Variants in SORCS2 observed in about 807,000 individuals in gnomAD.
SORCS2 encodes the protein sortilin related VPS10 domain containing receptor 2.
Under a neutral mutation model 141.6 loss-of-function variants are expected in SORCS2, and 100 were observed. The ratio of observed to expected loss-of-function variants is 0.71; its 90% CI spans 0.60 to 0.83. SORCS2 has a LOEUF of 0.83. SORCS2 is among the 40% of genes least tolerant of loss of function. The probability of loss-of-function intolerance (pLI) is 0.00; values close to 1 mark genes in which losing one functional copy is unlikely to be tolerated. For synonymous variants in SORCS2, 789 were observed against 676.9 expected (o/e 1.17, Z -2.57); for missense variants, 1,646 against 1,560.2 (o/e 1.05, Z -0.93).
Position 7,672,803 on chromosome 4 carries a change from A to G in SORCS2, c.1162-3247A>G, listed in dbSNP as rs76095845. 3.7e-3 allele frequency among the ~76,000 whole-genome samples: 565 copies of G among 152,322 alleles called. 3 individuals are homozygous for G. The highest frequency in any genetic ancestry group is 0.013 in the African/African-American group (544 of 41,582). ...ACTGCATTGCCCAGCTTTCTTTGCA[A>G]CTACATGTGGTCATGCTTGTAAAAT... is the stretch of plus-strand genomic sequence containing the variant. On this transcript the variant is annotated intron_variant, in intron 8 of 26. Transcript: ENST00000507866.
chr4:7,675,940 A>T, intron 8 of SORCS2, 110 bp from the exon 9 acceptor site: 1 of 1,269,630 alleles, frequency 7.9e-7, no homozygotes, highest in Non-Finnish European at 1.1e-6. Flanking sequence ...GGCTGGCTCC[A>T]GGAGAGCCAG....
chr4:7,479,033 A>T (rs1328820988), intron 2 of SORCS2, among the ~76,000 whole-genome samples: 1 of 152,204 alleles, frequency 6.6e-6, no homozygotes, highest in Non-Finnish European at 1.5e-5. Flanking sequence ...CTCTAGAAGG[A>T]TTCACAGAAG....
chr4:7,355,090 G>A (rs1356485015), intron 1 of SORCS2, among the ~76,000 whole-genome samples: 1 of 152,128 alleles, frequency 6.6e-6, no homozygotes, highest in Non-Finnish European at 1.5e-5. Flanking sequence ...CTAATGATGT[G>A]TTGTTCATTT....
intron 3 of SORCS2, among the ~76,000 whole-genome samples, chr4:7,604,633 A>G (rs1257075752): frequency 6.6e-6 from 1 of 152,180 alleles, no homozygotes; most frequent in African/African-American, 2.4e-5. Flanking sequence ...AGTTGTTCCT[A>G]TGCCCACATT....
rs57243728 is a variant in SORCS2 at position 7,531,415 on chromosome 4, G to A, written c.549-115G>A. 0.011 allele frequency: 9,838 copies of A among 887,016 alleles called. 542 individuals are homozygous for A. In the African/African-American group the frequency reaches 0.13, roughly 12 times the overall value. 54.9% of individuals were successfully genotyped at this position (887,016 alleles called of 1,614,324 possible). On this transcript the variant is annotated intron_variant, in intron 2 of 26. Coordinates refer to ENST00000507866, the MANE Select transcript of SORCS2 (RefSeq NM_020777.3). ...GCAGAGTGCCCAGGACTGTACTCAGGGTGTCTGGGGCACTCGGCCCGCACG... is the reference window on the plus strand; with the variant it reads ...GCAGAGTGCCCAGGACTGTACTCAGAGTGTCTGGGGCACTCGGCCCGCACG...
chr4:7,593,848 C>T (rs1293928094), intron 3 of SORCS2, among the ~76,000 whole-genome samples: 2 of 152,210 alleles, frequency 1.3e-5, no homozygotes, highest in Non-Finnish European at 2.9e-5. Context: ...TCCGGCGATA[C>T]CTCTGCCCCT....
At chr4:7,320,476 G>A (rs1264482068) in intron 1 of SORCS2, among the ~76,000 whole-genome samples, 2 of 152,242 alleles carry the variant, frequency 1.3e-5, no homozygotes, top group Non-Finnish European at 2.9e-5. Context: ...ATTACCTGCT[G>A]GGAAGATTCA....
Position 7,232,927 on chromosome 4 carries a change from C to T in SORCS2, c.480+39801C>T, listed in dbSNP as rs147696854. ...CCCCACCCTTGGGGAGTGTTTGGTC[C>T]CATAGAGACACTGCTGCACTGTCAG... is the stretch of plus-strand genomic sequence containing the variant. On this transcript the variant is annotated intron_variant, in intron 1 of 26. Transcript: ENST00000507866. Among the ~76,000 whole-genome samples the T allele has an allele frequency of 3.4e-3, 517 of 152,222 alleles. 8 individuals carry two copies. Among genetic ancestry groups the T allele is most frequent in the African/African-American group, 0.012 (489 of 41,522 alleles).
chr4:7,246,419 A>AC (rs1462599143), intron 1 of SORCS2, among the ~76,000 whole-genome samples: 2 of 151,202 alleles, frequency 1.3e-5, no homozygotes, highest in African/African-American at 4.9e-5. Context: ...GAACCCACAC[A>AC]TCTCACTCGG....
rs143323017 is a variant in SORCS2 at position 7,384,510 on chromosome 4, G to A, written c.481-11778G>A. ...GGAGACGGGGTTAAGGTGCGTACACGGGGCCCTGCAAATGTCTCTGCCTCA... is the reference window on the plus strand; with the variant it reads ...GGAGACGGGGTTAAGGTGCGTACACAGGGCCCTGCAAATGTCTCTGCCTCA... On this transcript the variant is annotated intron_variant, in intron 1 of 26. Coordinates refer to ENST00000507866, the MANE Select transcript of SORCS2 (RefSeq NM_020777.3). Among the ~76,000 whole-genome samples, 565 of 152,280 alleles carry A rather than the reference G, an allele frequency of 3.7e-3. 3 individuals carry two copies. Among genetic ancestry groups the A allele is most frequent in the African/African-American group, 0.013 (532 of 41,554 alleles).
At chr4:7,293,258 C>T (rs1316230600) in intron 1 of SORCS2, among the ~76,000 whole-genome samples, 7 of 151,316 alleles carry the variant, frequency 4.6e-5, no homozygotes, top group African/African-American at 4.9e-5. Flanking sequence ...GAGCCGAGAT[C>T]GCGCCACTGC....
intron 3 of SORCS2, among the ~76,000 whole-genome samples, chr4:7,628,365 A>G (rs1325796761): frequency 1.3e-5 from 2 of 152,092 alleles, no homozygotes; most frequent in Non-Finnish European, 2.9e-5. Flanking sequence ...TAAAAATACA[A>G]AAAATTAGCC....
chr4:7,474,509 T>C (rs1461413476), intron 2 of SORCS2, among the ~76,000 whole-genome samples: 1 of 152,212 alleles, frequency 6.6e-6, no homozygotes, highest in East Asian at 1.9e-4. Flanking sequence ...GGTCCCTGGC[T>C]GCAGGAGGGC....
At chr4:7,677,250 C>T (rs929567336) in intron 9 of SORCS2, among the ~76,000 whole-genome samples, 2 of 152,204 alleles carry the variant, frequency 1.3e-5, no homozygotes, top group East Asian at 1.9e-4. Flanking sequence ...CCCCAGAGAA[C>T]GCCCCGTGCA....
intron 3 of SORCS2, among the ~76,000 whole-genome samples, chr4:7,618,598 C>T (rs1447379909): frequency 1.3e-5 from 2 of 152,146 alleles, no homozygotes; most frequent in Non-Finnish European, 2.9e-5. Flanking sequence ...CTCCAAACGC[C>T]AAGTTTGGTG....
intron 1 of SORCS2, among the ~76,000 whole-genome samples, chr4:7,243,496 G>A (rs34041281): frequency 6.6e-6 from 1 of 152,236 alleles, no homozygotes; most frequent in East Asian, 1.9e-4. Flanking sequence ...AAGGCTGGAG[G>A]AGCCCGGGCT....
At chr4:7,270,674 G>A (rs937474218) in intron 1 of SORCS2, among the ~76,000 whole-genome samples, 49 of 152,184 alleles carry the variant, frequency 3.2e-4, no homozygotes, top group African/African-American at 9.7e-5. Flanking sequence ...AGATCCATCC[G>A]TTGCCCTTCA....
intron 3 of SORCS2, among the ~76,000 whole-genome samples, chr4:7,615,116 C>T (rs986175026): frequency 1.3e-5 from 2 of 152,240 alleles, no homozygotes; most frequent in African/African-American, 2.4e-5. Context: ...ATCCATTGTC[C>T]TCCATCTGTT....
intron 2 of SORCS2, among the ~76,000 whole-genome samples, chr4:7,501,615 G>A (rs28372374): frequency 0.16 from 24,819 of 152,178 alleles, 3,552 homozygotes; most frequent in African/African-American, 0.39. Flanking sequence ...TCTCGCACCC[G>A]GTCTTCCTGT....
Sources: allele counts gnomAD v4.1 joint callset (sites outside exome capture counted in the v4.1 genomes callset), GRCh38; gene constraint gnomAD v4.1.1; transcripts MANE v1.5; gene names NCBI Gene and HGNC (gene_info 2026-07-23, HGNC 2026-07-21).